The following LPP variants were observed in gnomAD, a reference collection of about 807,000 sequenced individuals.
LPP encodes lipoma-preferred partner.
In LPP, 38 loss-of-function variants were observed where a neutral mutation model predicts 60.4. The observed-to-expected ratio is 0.63, with a 90% CI of 0.49 to 0.83. The LOEUF is 0.83. Ranked by LOEUF, LPP falls within the 40% of genes least tolerant of loss-of-function variation. The pLI is 0.00. For missense variants in LPP, 902 were observed against 783.6 expected, an observed-to-expected ratio of 1.15 and a Z score of -1.80; for synonymous variants, 328 against 290.8, an observed-to-expected ratio of 1.13 and a Z score of -1.30.
Position 188,609,076 on chromosome 3 carries a change from A to G in LPP, c.430-85A>G. 1 of 971,318 alleles carries G rather than the reference A, an allele frequency of 1.0e-6. No individual in the cohort carries two copies. Among genetic ancestry groups the G allele is most frequent in the Non-Finnish European group, 1.5e-6 (1 of 648,410 alleles). The allele number at this position is 971,318 out of a possible 1,614,324, so 60.2% of individuals were successfully genotyped here. On this transcript the variant is annotated intron_variant, in intron 6 of 11. Coordinates refer to ENST00000617246, the MANE Select transcript of LPP (RefSeq NM_001375462.1). The surrounding 1 kb of genome is among the most constrained non-coding windows in gnomAD (Gnocchi z 6.9). ...AATAAATAATAATTAGCAGTTATTA[A>G]TATTTTTCATTTATTCATTTTTATT...
chr3:188,774,863 G>T (rs1737217395), intron 9 of LPP, among the ~76,000 whole-genome samples: 1 of 151,910 alleles, frequency 6.6e-6, no homozygotes, highest in Non-Finnish European at 1.5e-5. Context: ...CTTCTCAAAG[G>T]CCCCATATAC....
intron 6 of LPP, among the ~76,000 whole-genome samples, chr3:188,567,527 G>A (rs544757847): frequency 1.3e-4 from 20 of 151,974 alleles, no homozygotes; most frequent in East Asian, 9.7e-4. Flanking sequence ...AGTCAAAGCC[G>A]TGTGTAAAGT....
At chr3:188,455,020 G>A (rs1797421849) in intron 4 of LPP, among the ~76,000 whole-genome samples, 1 of 152,180 alleles carries the variant, frequency 6.6e-6, no homozygotes, top group Non-Finnish European at 1.5e-5. Context: ...CTTTATACAA[G>A]TGAGATGACA....
Position 188,318,760 on chromosome 3 carries a change from T to C in LPP, c.-66-22903T>C, listed in dbSNP as rs2150355678. Among the ~76,000 whole-genome samples, 3 of 102,372 alleles carry C rather than the reference T, an allele frequency of 2.9e-5. No individual in the cohort carries two copies. In the East Asian group the frequency reaches 1.6e-3, roughly 56 times the overall value. 67.2% of individuals were successfully genotyped at this position (102,372 alleles called of 152,430 possible). A position where few individuals can be genotyped will look rare whatever the true frequency, so the allele number is the denominator to read the frequency against. On this transcript the variant is annotated intron_variant, in intron 2 of 11. Coordinates refer to ENST00000617246, the MANE Select transcript of LPP (RefSeq NM_001375462.1). ...TGAAAAAAAATTATGATTCTTTTTT[T>C]TTTTTTTTTTTTTTTTGAGACGGAG...
intron 1 of LPP, among the ~76,000 whole-genome samples, chr3:188,190,146 C>T (rs535328481): frequency 1.9e-4 from 29 of 151,402 alleles, no homozygotes; most frequent in Admixed American, 1.9e-3. Flanking sequence ...ACCTCTGCCT[C>T]CTGGGTTCAA....
chr3:188,310,637 T>C (rs930656458), intron 2 of LPP, among the ~76,000 whole-genome samples: 2 of 152,194 alleles, frequency 1.3e-5, no homozygotes, highest in South Asian at 4.1e-4. Context: ...GCCTCCACTG[T>C]GAAATATGTG....
intron 9 of LPP, among the ~76,000 whole-genome samples, chr3:188,768,942 A>G (rs1487012950): frequency 2.0e-5 from 3 of 152,206 alleles, no homozygotes; most frequent in Non-Finnish European, 2.9e-5. Flanking sequence ...TTAAGACTGT[A>G]TGTACATATA....
intron 5 of LPP, among the ~76,000 whole-genome samples, chr3:188,487,741 A>T (rs903055251): frequency 6.6e-6 from 1 of 152,234 alleles, no homozygotes; most frequent in African/African-American, 2.4e-5. Flanking sequence ...CTAAAGTAGC[A>T]TGATCACTGG....
At chr3:188,638,551 A>G (rs1003035877) in intron 7 of LPP, among the ~76,000 whole-genome samples, 37 of 148,364 alleles carry the variant, frequency 2.5e-4, no homozygotes, top group Admixed American at 1.7e-3. Flanking sequence ...AGGGTATTCA[A>G]TTAGGAAAAG....
chr3:188,851,477 G>C (rs1467505985), intron 9 of LPP, among the ~76,000 whole-genome samples: 1 of 152,202 alleles, frequency 6.6e-6, no homozygotes, highest in Non-Finnish European at 1.5e-5. Flanking sequence ...ATTTTCCCCT[G>C]TATGGAGGAG....
intron 7 of LPP, among the ~76,000 whole-genome samples, chr3:188,658,027 T>C (rs1853691563): frequency 6.6e-6 from 1 of 151,050 alleles, no homozygotes; most frequent in Non-Finnish European, 1.5e-5. Context: ...CTTGACATAT[T>C]TGTTTATCAA....
At chr3:188,831,219 C>G (rs1757056457) in intron 9 of LPP, among the ~76,000 whole-genome samples, 1 of 152,164 alleles carries the variant, frequency 6.6e-6, no homozygotes, top group African/African-American at 2.4e-5. Context: ...CTGAGCAGTT[C>G]ATCCCCAAAG....
intron 2 of LPP, among the ~76,000 whole-genome samples, chr3:188,234,599 C>T (rs996343486): frequency 2.0e-5 from 3 of 152,160 alleles, no homozygotes; most frequent in Non-Finnish European, 4.4e-5. Flanking sequence ...GAAGCTGATT[C>T]TCTGACACAG....
At chr3:188,643,782 A>G (rs1003756483) in intron 7 of LPP, among the ~76,000 whole-genome samples, 1 of 152,148 alleles carries the variant, frequency 6.6e-6, no homozygotes, top group Non-Finnish European at 1.5e-5. Flanking sequence ...TCTGTTTGGG[A>G]GTACAAAAAG....
intron 1 of LPP, among the ~76,000 whole-genome samples, chr3:188,216,203 G>C (rs1713499400): frequency 6.6e-6 from 1 of 151,352 alleles, no homozygotes; most frequent in Non-Finnish European, 1.5e-5. Context: ...TAATTATTAA[G>C]TCTGTGGAAT....
At chr3:188,667,245 G>C (rs1855979912) in intron 7 of LPP, among the ~76,000 whole-genome samples, 1 of 152,138 alleles carries the variant, frequency 6.6e-6, no homozygotes, top group African/African-American at 2.4e-5. Flanking sequence ...TTGGGAGGCT[G>C]AGGCGGGCAG....
intron 9 of LPP, among the ~76,000 whole-genome samples, chr3:188,802,449 G>T (rs1014063807): frequency 4.6e-5 from 7 of 152,140 alleles, no homozygotes; most frequent in Admixed American, 1.3e-4. Context: ...AAAGGAAAAA[G>T]ACTTTTAAAT....
chr3:188,783,719 A>T lies in LPP; in HGVS notation c.1410+23437A>T, dbSNP rs564582299. ...TGAACCTAAAATAAAAGTTTTTTTT[A>T]AAAAAAGAAAAAAAAATCCTGCCTC... On this transcript the variant is annotated intron_variant, in intron 9 of 11. Transcript: ENST00000617246. Among the ~76,000 whole-genome samples the T allele has an allele frequency of 4.0e-3, 350 of 88,480 alleles. 2 individuals are homozygous for T. The highest frequency in any genetic ancestry group is 0.014 in the African/African-American group (331 of 23,308). 58.0% of individuals were successfully genotyped at this position (88,480 alleles called of 152,430 possible).
At position 188,610,119 on chromosome 3, in the gene LPP, T is replaced by C. The variant is rs955119930; in HGVS notation, c.1113+275T>C. Among the ~76,000 whole-genome samples the C allele has an allele frequency of 6.6e-6, 1 of 152,286 alleles. No homozygotes were observed. Among genetic ancestry groups the C allele is most frequent in the Admixed American group, 6.5e-5 (1 of 15,296 alleles). On this transcript the variant is annotated intron_variant, in intron 7 of 11. Coordinates refer to ENST00000617246, the MANE Select transcript of LPP (RefSeq NM_001375462.1). This position sits in a 1 kb window ranked among gnomAD's most constrained non-coding sequence, Gnocchi z 4.4. ...GACACCATAGCATCTGAGGACAAAG[T>C]GTTCTGATGGAGAAAGAGAAAATAA...
Sources: gnomAD v4.1 joint callset for allele counts (sites outside exome capture counted in the v4.1 genomes callset) on GRCh38, gnomAD v4.1.1 for gene constraint, Gnocchi (gnomAD v3.1) non-coding constraint, MANE v1.5 for transcripts, NCBI Gene and HGNC (gene_info 2026-07-23, HGNC 2026-07-21) for gene names.